Variants in PTPRQ observed in about 807,000 individuals in gnomAD.
PTPRQ encodes the protein phosphatidylinositol phosphatase PTPRQ.
Under a neutral mutation model 246.0 loss-of-function variants are expected in PTPRQ, and 199 were observed. That is an observed-to-expected ratio of 0.81 (90% CI 0.72 to 0.91). PTPRQ has a LOEUF of 0.91. Ranked by LOEUF, PTPRQ falls within the 40% of genes least tolerant of loss-of-function variation. The probability of loss-of-function intolerance (pLI) is 0.00; values close to 1 mark genes in which losing one functional copy is unlikely to be tolerated. For synonymous variants in PTPRQ, 869 were observed against 853.2 expected (o/e 1.02, Z -0.32); for missense variants, 2,624 against 2,528.4 (o/e 1.04, Z -0.81).
At chr12:80,660,565 G>A (rs1484838885) in intron 39 of PTPRQ, among the ~76,000 whole-genome samples, 1 of 152,048 alleles carries the variant, frequency 6.6e-6, no homozygotes, top group Non-Finnish European at 1.5e-5. Context: ...TTAGGTATAA[G>A]AGGAAGGCTT....
At chr12:80,621,494 T>C (rs557303814) in intron 32 of PTPRQ, among the ~76,000 whole-genome samples, 1 of 152,118 alleles carries the variant, frequency 6.6e-6, no homozygotes, top group South Asian at 2.1e-4. Flanking sequence ...GATCTTAGAT[T>C]CTTTTTGTAA....
chr12:80,489,408 T>TA (rs1894376680), intron 9 of PTPRQ, among the ~76,000 whole-genome samples: 3 of 151,992 alleles, frequency 2.0e-5, no homozygotes, highest in Non-Finnish European at 4.4e-5. Context: ...TGAGTAAAAG[T>TA]ATTTAACACT....
chr12:80,678,930 C>A, intron 44 of PTPRQ, 56 bp from the exon 45 acceptor site: 1 of 1,496,632 alleles, frequency 6.7e-7, no homozygotes, highest in South Asian at 1.4e-5. Flanking sequence ...TGAAACATTT[C>A]AATTTTGAAC....
In PTPRQ at chr12:80,613,785, C is replaced by T. The variant is rs551717599; in HGVS notation, c.5112C>T (p.Phe1704=). ...NLSIIQKTNT[F]VIAMLEGLKG... is the part of the protein sequence containing the mutation. ...GTATTATACAGAAAACCAACACATT[C>T]GTCATTGCAATGCTAGAAGGACTAA... is the stretch of plus-strand genomic sequence containing the variant. The change falls in exon 29 of 45, where the codon TTC becomes TTT. Residue 1704 remains phenylalanine, a synonymous_variant. Coordinates refer to ENST00000644991, the MANE Select transcript of PTPRQ (RefSeq NM_001145026.2). The T allele has an allele frequency of 1.2e-5, 19 of 1,541,992 alleles. No individual in the cohort carries two copies. The East Asian group carries it at 2.5e-4, about 20-fold the overall frequency.
At chr12:80,668,863 G>T (rs192386915) in intron 39 of PTPRQ, 144 bp from the exon 40 acceptor site, 2 of 1,143,926 alleles carry the variant, frequency 1.7e-6, no homozygotes, top group East Asian at 5.8e-5. Flanking sequence ...TGGAAATTTT[G>T]AGTATTTAAG....
chr12:80,489,372 TG>T (rs11305655), intron 9 of PTPRQ, among the ~76,000 whole-genome samples: 129,281 of 151,738 alleles, frequency 0.85, 55,921 homozygotes, highest in Non-Finnish European at 0.93. Flanking sequence ...TCTATCTCTT[TG>T]GGGGGACAAT....
At chr12:80,450,810 G>A (rs1018779619) in intron 3 of PTPRQ, among the ~76,000 whole-genome samples, 2 of 152,148 alleles carry the variant, frequency 1.3e-5, no homozygotes, top group Admixed American at 6.5e-5. Flanking sequence ...TTGCATCGAT[G>A]TTCATCAAGG....
intron 27 of PTPRQ, among the ~76,000 whole-genome samples, chr12:80,608,078 T>C (rs898456929): frequency 8.0e-5 from 12 of 150,584 alleles, no homozygotes; most frequent in Non-Finnish European, 1.6e-4. Flanking sequence ...GCAGGTTAAA[T>C]ATATTCTAGG....
At chr12:80,522,068 G>C (rs10862161) in intron 17 of PTPRQ, among the ~76,000 whole-genome samples, 38,353 of 152,028 alleles carry the variant, frequency 0.25, 5,544 homozygotes, top group African/African-American at 0.39. Flanking sequence ...TCCTTGAAGA[G>C]GTCCTTCACA....
At position 80,630,469 on chromosome 12, in the gene PTPRQ, A is replaced by G. The variant is rs557362616; in HGVS notation, c.5687-1723A>G. 2.6e-5 allele frequency among the ~76,000 whole-genome samples: 4 copies of G among 152,302 alleles called. No homozygotes were observed. The South Asian group carries it at 8.3e-4, about 32-fold the overall frequency. On this transcript the variant is annotated intron_variant, in intron 33 of 44. Coordinates refer to ENST00000644991, the MANE Select transcript of PTPRQ (RefSeq NM_001145026.2). ...TGCTCACTAGATCAAAATACCTTCC[A>G]TCAGGAAGTGTAGAATATCTGATTG...
intron 32 of PTPRQ, among the ~76,000 whole-genome samples, chr12:80,620,859 TACC>T (rs1898956005): frequency 6.6e-6 from 1 of 151,868 alleles, no homozygotes; most frequent in Admixed American, 6.6e-5. Flanking sequence ...AAATATTTAA[TACC>T]ACCTTTAATA....
chr12:80,616,296 T>C (rs1898758675), intron 30 of PTPRQ, 30 bp downstream of exon 30: 1 of 1,448,112 alleles, frequency 6.9e-7, no homozygotes, highest in South Asian at 1.5e-5. Flanking sequence ...TCCTATGAAA[T>C]GCTATTAATC....
At chr12:80,616,354 C>T (rs971881710) in intron 30 of PTPRQ, 88 bp downstream of exon 30, 6 of 1,269,054 alleles carry the variant, frequency 4.7e-6, no homozygotes, top group Middle Eastern at 2.8e-4. Flanking sequence ...TGTAGACAAG[C>T]CTTTAAGTGA....
At chr12:80,465,826 C>T (rs1236264311) in intron 6 of PTPRQ, among the ~76,000 whole-genome samples, 1 of 152,152 alleles carries the variant, frequency 6.6e-6, no homozygotes, top group African/African-American at 2.4e-5. Flanking sequence ...TAAAAACCCT[C>T]AATAAATTAG....
chr12:80,459,221 A>G (rs1489225658), intron 4 of PTPRQ, 63 bp from the exon 5 acceptor site: 2 of 397,504 alleles, frequency 5.0e-6, no homozygotes, highest in Non-Finnish European at 8.9e-6. Context: ...CCATGAAATT[A>G]TATAAATGCA....
At chr12:80,556,679 A>C (rs570426047) in intron 25 of PTPRQ, among the ~76,000 whole-genome samples, 1 of 152,334 alleles carries the variant, frequency 6.6e-6, no homozygotes, top group East Asian at 1.9e-4. Context: ...GGTTAGGTTG[A>C]GATCAGAAGA....
At chr12:80,575,233 G>A (rs1384153249) in intron 25 of PTPRQ, among the ~76,000 whole-genome samples, 8 of 152,112 alleles carry the variant, frequency 5.3e-5, no homozygotes, top group Non-Finnish European at 1.0e-4. Context: ...AGATAGAAGA[G>A]GAGTTTACAT....
At chr12:80,448,602 C>T (rs926167110) in intron 3 of PTPRQ, among the ~76,000 whole-genome samples, 6 of 150,772 alleles carry the variant, frequency 4.0e-5, no homozygotes, top group Non-Finnish European at 5.9e-5. Flanking sequence ...TCAATTCCCA[C>T]CTATGAGTGA....
intron 23 of PTPRQ, among the ~76,000 whole-genome samples, chr12:80,543,423 A>C (rs1256803580): frequency 6.6e-6 from 1 of 152,056 alleles, no homozygotes; most frequent in East Asian, 1.9e-4. Context: ...ATTAGTGAAA[A>C]ATATCCACAG....
Sources: gnomAD v4.1 joint callset for allele counts (sites outside exome capture counted in the v4.1 genomes callset) on GRCh38, gnomAD v4.1.1 for gene constraint, MANE v1.5 for transcripts, NCBI Gene and HGNC (gene_info 2026-07-23, HGNC 2026-07-21) for gene names.